The following DCC variants were observed in gnomAD, a reference collection of about 807,000 sequenced individuals.
DCC encodes the protein DCC netrin 1 receptor.
A neutral mutation model predicts 172.5 loss-of-function variants in DCC; 58 were observed. That is an observed-to-expected ratio of 0.34 (90% CI 0.27 to 0.42). The LOEUF (loss-of-function observed/expected upper bound fraction) is 0.42. DCC is among the 10% of genes least tolerant of loss of function. The pLI is 1.00. For synonymous variants in DCC, 709 were observed against 644.5 expected (o/e 1.10, Z -1.52); for missense variants, 1,740 against 1,791.0 (o/e 0.97, Z 0.51).
intron 2 of DCC, among the ~76,000 whole-genome samples, chr18:52,776,156 A>G (rs117909868): frequency 0.034 from 5,211 of 152,306 alleles, 129 homozygotes; most frequent in Admixed American, 0.048. Flanking sequence ...GAGAAAGGCA[A>G]AAGTGAACAG....
chr18:53,406,442 C>A (rs35114981), intron 19 of DCC, among the ~76,000 whole-genome samples: 2 of 151,104 alleles, frequency 1.3e-5, no homozygotes, highest in African/African-American at 4.9e-5. Context: ...TAGTAGCTCA[C>A]GCCTGTAGTC....
intron 1 of DCC, among the ~76,000 whole-genome samples, chr18:52,465,429 A>G (rs1988757819): frequency 6.6e-6 from 1 of 152,150 alleles, no homozygotes; most frequent in African/African-American, 2.4e-5. Flanking sequence ...GAACAGTGTC[A>G]CAGCAAGTGT....
At chr18:53,408,404 T>C (rs1909793824) in intron 19 of DCC, among the ~76,000 whole-genome samples, 1 of 152,202 alleles carries the variant, frequency 6.6e-6, no homozygotes, top group Non-Finnish European at 1.5e-5. Flanking sequence ...TTGTCATGGC[T>C]GTTGGCCAGA....
At chr18:53,149,260 C>A (rs1367489988) in intron 7 of DCC, among the ~76,000 whole-genome samples, 1 of 152,088 alleles carries the variant, frequency 6.6e-6, no homozygotes, top group Non-Finnish European at 1.5e-5. Flanking sequence ...TAAAGATAGA[C>A]AAATAACAAT....
At chr18:52,465,198 C>T (rs1162182966) in intron 1 of DCC, among the ~76,000 whole-genome samples, 1 of 152,032 alleles carries the variant, frequency 6.6e-6, no homozygotes, top group Non-Finnish European at 1.5e-5. Flanking sequence ...TAGGAGGGAC[C>T]ACCCACCTAG....
At chr18:52,481,015 T>C (rs2029936666) in intron 1 of DCC, among the ~76,000 whole-genome samples, 1 of 152,188 alleles carries the variant, frequency 6.6e-6, no homozygotes, top group Admixed American at 6.6e-5. Context: ...TGAAAAAAAC[T>C]ATTACTTTTA....
chr18:52,587,347 G>T (rs1418440702), intron 1 of DCC, among the ~76,000 whole-genome samples: 1 of 152,134 alleles, frequency 6.6e-6, no homozygotes, highest in East Asian at 1.9e-4. Context: ...CGATGACAAG[G>T]GTGGCTGGGG....
chr18:53,039,347 G>A (rs934311810), intron 5 of DCC, among the ~76,000 whole-genome samples: 3 of 151,986 alleles, frequency 2.0e-5, no homozygotes, highest in Non-Finnish European at 2.9e-5. Context: ...TATAATTTCT[G>A]CTGTTTTTAT....
chr18:52,414,273 A>G (rs1459165353), intron 1 of DCC, among the ~76,000 whole-genome samples: 2 of 151,962 alleles, frequency 1.3e-5, no homozygotes, highest in Non-Finnish European at 2.9e-5. Flanking sequence ...TAGTAGAGAC[A>G]GTGTTTCACC....
Position 53,529,038 on chromosome 18 carries a change from T to TCTCTCTCTCA in DCC, c.4255-1525_4255-1524insTCTCTCTCAC, listed in dbSNP as rs1203799842. On this transcript the variant is annotated intron_variant, in intron 28 of 28. Coordinates refer to ENST00000442544, the MANE Select transcript of DCC (RefSeq NM_005215.4). Reference sequence around the variant, plus strand: ...CTCTCTCTCTCTCTCTCTCTCTCTCTCACACACACACACACACACACACAC... The same window carrying TCTCTCTCTCA: ...CTCTCTCTCTCTCTCTCTCTCTCTCTCTCTCTCTCACACACACACACACACACACACACAC... 2.6e-4 allele frequency among the ~76,000 whole-genome samples: 17 copies of TCTCTCTCTCA among 65,266 alleles called. 1 individual carries two copies. In the South Asian group the frequency reaches 2.7e-3, roughly 10 times the overall value. The allele number at this position is 65,266 out of a possible 152,430, so 42.8% of individuals were successfully genotyped here.
intron 5 of DCC, among the ~76,000 whole-genome samples, chr18:53,051,788 G>A (rs913007283): frequency 2.6e-5 from 4 of 151,540 alleles, no homozygotes; most frequent in Non-Finnish European, 4.4e-5. Context: ...ATATCTTTAC[G>A]CCTCATCTTG....
At chr18:53,319,745 G>A (rs1280809997) in intron 13 of DCC, among the ~76,000 whole-genome samples, 2 of 152,266 alleles carry the variant, frequency 1.3e-5, no homozygotes, top group East Asian at 3.9e-4. Flanking sequence ...AGCCATGGCA[G>A]GGCAGAAGTT....
intron 5 of DCC, among the ~76,000 whole-genome samples, chr18:53,042,317 G>T (rs184511851): frequency 6.6e-6 from 1 of 151,916 alleles, no homozygotes; most frequent in Non-Finnish European, 1.5e-5. Context: ...TTATTGATTT[G>T]CATATGTTGA....
At chr18:52,853,873 A>T (rs960711990) in intron 2 of DCC, among the ~76,000 whole-genome samples, 1 of 152,208 alleles carries the variant, frequency 6.6e-6, no homozygotes, top group Non-Finnish European at 1.5e-5. Context: ...TCGGGGTAGG[A>T]GTCCCAGCCT....
At chr18:53,180,911 C>T (rs1209479573) in intron 9 of DCC, among the ~76,000 whole-genome samples, 5 of 152,126 alleles carry the variant, frequency 3.3e-5, no homozygotes, top group Admixed American at 1.3e-4. Flanking sequence ...TCGCGCCCAG[C>T]CCAACATTTG....
At chr18:53,468,366 T>TTTATTTATTTATTTATTTA (rs2045650891) in intron 25 of DCC, among the ~76,000 whole-genome samples, 5 of 126,936 alleles carry the variant, frequency 3.9e-5, no homozygotes, top group South Asian at 2.4e-4. Flanking sequence ...TTATTTATTT[T>TTTATTTATTTATTTATTTA]ATTTATTTAT....
chr18:52,572,253 C>A (rs927353343), intron 1 of DCC, among the ~76,000 whole-genome samples: 7 of 152,130 alleles, frequency 4.6e-5, no homozygotes, highest in African/African-American at 1.4e-4. Context: ...ATAAATATCC[C>A]CCTCGTCGAC....
In DCC at chr18:52,926,092, T is replaced by A. The variant is rs144218068; in HGVS notation, c.985+722T>A. Among the ~76,000 whole-genome samples, 790 of 152,040 alleles carry A rather than the reference T, an allele frequency of 5.2e-3. 4 individuals are homozygous for A. Among genetic ancestry groups the A allele is most frequent in the African/African-American group, 0.018 (762 of 41,542 alleles). Reference sequence around the variant, plus strand: ...TAACATTTGGATTTCAGTTGCTTTTTTTCTGTAACAACAACCAAACATTGA... The same window carrying A: ...TAACATTTGGATTTCAGTTGCTTTTATTCTGTAACAACAACCAAACATTGA... On this transcript the variant is annotated intron_variant, in intron 5 of 28. Coordinates refer to ENST00000442544, the MANE Select transcript of DCC (RefSeq NM_005215.4).
chr18:53,495,218 C>G (rs1055270943), intron 26 of DCC, among the ~76,000 whole-genome samples: 1 of 151,808 alleles, frequency 6.6e-6, no homozygotes, highest in Non-Finnish European at 1.5e-5. Flanking sequence ...ATGGTGAAAC[C>G]CCATTTCTAC....
Sources: allele counts gnomAD v4.1 joint callset (sites outside exome capture counted in the v4.1 genomes callset), GRCh38; gene constraint gnomAD v4.1.1; transcripts MANE v1.5; gene names NCBI Gene and HGNC (gene_info 2026-07-23, HGNC 2026-07-21).